Variants in AMOTL1 observed in about 807,000 individuals in gnomAD.
The protein encoded by AMOTL1 is angiomotin-like protein 1.
A neutral mutation model predicts 102.9 loss-of-function variants in AMOTL1; 45 were observed. That is an observed-to-expected ratio of 0.44 (90% CI 0.34 to 0.56). The LOEUF (loss-of-function observed/expected upper bound fraction) is 0.56, where lower values mean the gene tolerates loss of function less well. Among genes scored for constraint, AMOTL1 ranks in the 20% least tolerant of loss-of-function variants. The pLI is 0.01. For synonymous variants in AMOTL1, 481 were observed against 484.7 expected, an observed-to-expected ratio of 0.99 and a Z score of 0.10; for missense variants, 1,114 against 1,225.6, an observed-to-expected ratio of 0.91 and a Z score of 1.36.
intron 2 of AMOTL1, among the ~76,000 whole-genome samples, chr11:94,732,585 C>T (rs989519654): frequency 2.6e-5 from 4 of 152,180 alleles, no homozygotes; most frequent in Admixed American, 2.0e-4. Context: ...TGGCCACTGT[C>T]GCATTTCTGA....
chr11:94,842,258 A>C (rs534409844), intron 6 of AMOTL1, among the ~76,000 whole-genome samples: 2 of 152,216 alleles, frequency 1.3e-5, no homozygotes, highest in African/African-American at 4.8e-5. Flanking sequence ...CTACGAAGAT[A>C]GAAGGGTTTC....
chr11:94,737,216 C>T (rs185239680), intron 2 of AMOTL1, among the ~76,000 whole-genome samples: 8 of 152,322 alleles, frequency 5.3e-5, no homozygotes, highest in African/African-American at 1.9e-4. Flanking sequence ...GCACTGGCAA[C>T]GCTCTTCATA....
chr11:94,793,353 C>T (rs1219787638), intron 1 of AMOTL1, among the ~76,000 whole-genome samples: 4 of 152,154 alleles, frequency 2.6e-5, no homozygotes, highest in African/African-American at 4.8e-5. Flanking sequence ...TGTTGCTCTT[C>T]TCCCTCTTGC....
chr11:94,729,063 C>T (rs939500362), intron 2 of AMOTL1: 16 of 1,288,666 alleles, frequency 1.2e-5, no homozygotes, highest in African/African-American at 9.1e-5. Context: ...CGGGTAAGGC[C>T]GTTTTTGATG....
chr11:94,828,664 C>G (rs1952014807), intron 4 of AMOTL1, among the ~76,000 whole-genome samples: 1 of 152,140 alleles, frequency 6.6e-6, no homozygotes, highest in Non-Finnish European at 1.5e-5. Flanking sequence ...TCGTTGGCAT[C>G]TGGAAAAACA....
intron 3 of AMOTL1, among the ~76,000 whole-genome samples, chr11:94,814,370 T>C (rs972628063): frequency 1.3e-5 from 2 of 152,218 alleles, no homozygotes; most frequent in African/African-American, 4.8e-5. Flanking sequence ...ATAACTCAGT[T>C]ACGCATTCAT....
In AMOTL1 at chr11:94,848,190, G is replaced by A. The variant is rs560311250; in HGVS notation, c.1649-1924G>A. On this transcript the variant is annotated intron_variant, in intron 6 of 12. Transcript: ENST00000433060. The stretch of plus-strand genomic sequence containing the variant: ...CCTTCAGGGCTGTGGATGGGGACGG[G>A]CAGCGCTAGTGGGCTGCTACTGACC... Among the ~76,000 whole-genome samples, 28 of 152,288 alleles carry A rather than the reference G, an allele frequency of 1.8e-4. 1 individual carries two copies. The South Asian group carries it at 5.8e-3, about 32-fold the overall frequency.
chr11:94,815,921 G>C (rs1406270042), intron 3 of AMOTL1, among the ~76,000 whole-genome samples: 1 of 152,062 alleles, frequency 6.6e-6, no homozygotes, highest in Non-Finnish European at 1.5e-5. Flanking sequence ...AATAAGGTTT[G>C]TAAAAGTAAA....
At chr11:94,776,033 G>C (rs1171183958) in intron 1 of AMOTL1, among the ~76,000 whole-genome samples, 3 of 152,212 alleles carry the variant, frequency 2.0e-5, no homozygotes, top group Admixed American at 2.0e-4. Context: ...GAAGCAAATA[G>C]AAATGCTTGG....
intron 8 of AMOTL1, among the ~76,000 whole-genome samples, chr11:94,857,813 T>C (rs1363982343): frequency 6.6e-6 from 1 of 152,188 alleles, no homozygotes; most frequent in Non-Finnish European, 1.5e-5. Flanking sequence ...TAGTGTTCAC[T>C]GTTGCAACCC....
chr11:94,707,244 C>CTGTGTGTGTGTGTGTG (rs1224329236), intron 1 of AMOTL1, among the ~76,000 whole-genome samples: 24 of 55,390 alleles, frequency 4.3e-4, no homozygotes, highest in Non-Finnish European at 1.3e-3. Context: ...CTCTCTCTCT[C>CTGTGTGTGTGTGTGTG]TCTCTCTGTG....
chr11:94,739,207 T>C (rs1467134709), intron 2 of AMOTL1, among the ~76,000 whole-genome samples: 4 of 151,994 alleles, frequency 2.6e-5, no homozygotes, highest in Non-Finnish European at 5.9e-5. Context: ...AGGCTGAGGA[T>C]ATATAGATTT....
chr11:94,823,923 G>A (rs954158814), intron 4 of AMOTL1, among the ~76,000 whole-genome samples: 1 of 151,680 alleles, frequency 6.6e-6, no homozygotes, highest in Non-Finnish European at 1.5e-5. Context: ...GTTTCACCAT[G>A]TTGGCCAGGA....
At chr11:94,746,380 A>G (rs995309490) in intron 3 of AMOTL1, among the ~76,000 whole-genome samples, 1 of 152,200 alleles carries the variant, frequency 6.6e-6, no homozygotes, top group Non-Finnish European at 1.5e-5. Flanking sequence ...AGATGTGACC[A>G]TGTCTGCCCT....
intron 2 of AMOTL1, among the ~76,000 whole-genome samples, chr11:94,738,590 G>C (rs1396927242): frequency 6.6e-6 from 1 of 152,160 alleles, no homozygotes; most frequent in Non-Finnish European, 1.5e-5. Context: ...GTTTAGCTGG[G>C]TGTAGATGGA....
chr11:94,757,223 TTAA>T (rs1337337668), intron 3 of AMOTL1, among the ~76,000 whole-genome samples: 2 of 151,986 alleles, frequency 1.3e-5, no homozygotes, highest in Non-Finnish European at 2.9e-5. Context: ...GGCTAACAGG[TTAA>T]TAATAGTTAA....
intron 3 of AMOTL1, among the ~76,000 whole-genome samples, chr11:94,809,994 A>T (rs1247034353): frequency 6.6e-6 from 1 of 152,180 alleles, no homozygotes; most frequent in African/African-American, 2.4e-5. Flanking sequence ...GATCTTATAG[A>T]TTCATAACAC....
intron 6 of AMOTL1, among the ~76,000 whole-genome samples, chr11:94,845,019 G>A (rs186365760): frequency 2.6e-5 from 4 of 152,290 alleles, no homozygotes; most frequent in African/African-American, 9.6e-5. Flanking sequence ...GTCCTCAGAA[G>A]CCCCAGCCAT....
rs1468820334 is a variant in AMOTL1 at position 94,865,970 on chromosome 11, G to C, written c.2290G>C (p.Glu764Gln). The change falls in exon 11 of 13, where the codon GAG (glutamate) becomes CAG (glutamine). Residue 764 changes from glutamate (E) to glutamine (Q), a missense_variant. Transcript: ENST00000433060. ...TIKNLHAKII[E>Q]KDAMIKVLQQ... ...TAAAAATCTCCATGCCAAAATCATA[G>C]AGAAAGATGCTATGATTAAGGTCCT... The C allele has an allele frequency of 1.2e-6, 2 of 1,613,842 alleles. No individual in the cohort carries two copies. The highest frequency in any genetic ancestry group is 1.7e-6 in the Non-Finnish European group (2 of 1,179,844).
Sources: allele counts gnomAD v4.1 joint callset (sites outside exome capture counted in the v4.1 genomes callset), GRCh38; gene constraint gnomAD v4.1.1; transcripts MANE v1.5; gene names NCBI Gene and HGNC (gene_info 2026-07-23, HGNC 2026-07-21).